The following MCU variants were observed in gnomAD, a reference collection of about 807,000 sequenced individuals.
MCU encodes the protein mitochondrial calcium uniporter, also known as calcium uniporter protein, mitochondrial.
A neutral mutation model predicts 45.2 loss-of-function variants in MCU; 12 were observed. The ratio of observed to expected loss-of-function variants is 0.27; its 90% CI spans 0.17 to 0.43. The LOEUF is 0.43. Ranked by LOEUF, MCU falls within the 20% of genes least tolerant of loss-of-function variation. MCU has a pLI of 1.00. For missense variants in MCU, 324 were observed against 436.7 expected (o/e 0.74, Z 2.30); for synonymous variants, 160 against 165.1 (o/e 0.97, Z 0.24).
chr10:72,736,739 C>T (rs1843256489), intron 1 of MCU, among the ~76,000 whole-genome samples: 1 of 152,200 alleles, frequency 6.6e-6, no homozygotes, highest in Admixed American at 6.5e-5. Flanking sequence ...AACATTTTGT[C>T]AGTAAAGAGA....
intron 1 of MCU, among the ~76,000 whole-genome samples, chr10:72,704,746 G>A (rs547181214): frequency 7.2e-5 from 9 of 125,846 alleles, no homozygotes; most frequent in African/African-American, 2.8e-4. Context: ...ACGGAGTCTC[G>A]CTCTGTAGCC....
intron 2 of MCU, among the ~76,000 whole-genome samples, chr10:72,838,015 C>A (rs1484412651): frequency 1.3e-5 from 2 of 150,186 alleles, no homozygotes; most frequent in Non-Finnish European, 2.9e-5. Context: ...CACTACCACG[C>A]CTGGCTAATT....
At chr10:72,760,572 C>G (rs1843640097) in intron 1 of MCU, 1 of 150,972 alleles carries the variant, frequency 6.6e-6, no homozygotes, top group African/African-American at 2.4e-5. Context: ...CCCCGTCACC[C>G]AGGCTGAAGT....
intron 1 of MCU, among the ~76,000 whole-genome samples, chr10:72,754,531 A>C (rs1263995147): frequency 6.6e-6 from 1 of 152,104 alleles, no homozygotes; most frequent in East Asian, 1.9e-4. Context: ...CAGGGGGATT[A>C]CTTGAGCCCA....
Position 72,720,606 on chromosome 10 carries a change from C to T in MCU, c.150+28305C>T, listed in dbSNP as rs540910621. On this transcript the variant is annotated intron_variant, in intron 1 of 7. Transcript: ENST00000373053. ...TTCAGTGACTTCTTCCTTCTCCTTT[C>T]CAATTTATAGAATACTCCTTAGCCC... Among the ~76,000 whole-genome samples the T allele has an allele frequency of 2.6e-5, 4 of 152,334 alleles. No homozygotes were observed. In the East Asian group the frequency reaches 7.7e-4, roughly 29 times the overall value.
intron 2 of MCU, among the ~76,000 whole-genome samples, chr10:72,842,865 A>C (rs1265254474): frequency 6.7e-6 from 1 of 149,848 alleles, no homozygotes; most frequent in African/African-American, 2.4e-5. Context: ...TTATAAATAA[A>C]ATAATTTATT....
intron 1 of MCU, among the ~76,000 whole-genome samples, chr10:72,706,253 C>T (rs1051682363): frequency 1.3e-5 from 2 of 150,252 alleles, no homozygotes; most frequent in African/African-American, 2.5e-5. Flanking sequence ...CATTACTAAG[C>T]ATGAAACCTT....
intron 1 of MCU, among the ~76,000 whole-genome samples, chr10:72,742,246 T>C (rs1843345971): frequency 1.3e-5 from 2 of 152,104 alleles, no homozygotes; most frequent in Admixed American, 6.5e-5. Context: ...GTCCTAGATA[T>C]GTAGTAGGCT....
chr10:72,879,740 A>G (rs1845672240), intron 6 of MCU, among the ~76,000 whole-genome samples: 1 of 152,232 alleles, frequency 6.6e-6, no homozygotes, highest in Admixed American at 6.5e-5. Flanking sequence ...TTTAAAATAT[A>G]GAGAGAATTA....
chr10:72,799,697 C>T (rs1337808714), intron 1 of MCU, among the ~76,000 whole-genome samples: 7 of 151,650 alleles, frequency 4.6e-5, no homozygotes, highest in African/African-American at 1.2e-4. Flanking sequence ...CTAATCTTTT[C>T]TCATCTGATA....
chr10:72,859,094 C>A (rs1845336813), intron 2 of MCU, 83 bp from the exon 3 acceptor site: 18 of 1,258,176 alleles, frequency 1.4e-5, no homozygotes, highest in East Asian at 1.2e-4. Context: ...TAATAATAGA[C>A]CCCCATGCAA....
intron 1 of MCU, among the ~76,000 whole-genome samples, chr10:72,713,951 G>C (rs1418698446): frequency 1.9e-5 from 1 of 53,340 alleles, no homozygotes; most frequent in Non-Finnish European, 7.9e-5. Flanking sequence ...CATCATTTGT[G>C]TGTGTGTGTG....
At chr10:72,875,450 C>T (rs1845603680) in intron 6 of MCU, among the ~76,000 whole-genome samples, 1 of 152,054 alleles carries the variant, frequency 6.6e-6, no homozygotes, top group Non-Finnish European at 1.5e-5. Context: ...TCTTGCTGCC[C>T]CCAAGTGACA....
chr10:72,825,146 A>T (rs1217255899), intron 1 of MCU, among the ~76,000 whole-genome samples: 1 of 152,218 alleles, frequency 6.6e-6, no homozygotes, highest in Non-Finnish European at 1.5e-5. Context: ...CTTAAAAAAG[A>T]GAAGAATACA....
At chr10:72,828,494 C>T (rs957848573) in intron 1 of MCU, among the ~76,000 whole-genome samples, 3 of 152,078 alleles carry the variant, frequency 2.0e-5, no homozygotes, top group Non-Finnish European at 4.4e-5. Flanking sequence ...CCCTCCCTTC[C>T]TCCCCCTCAG....
rs549943433 is a variant in MCU at position 72,761,615 on chromosome 10, G to T, written c.150+69314G>T. ...TCCAGATTTGATTAGTGGAAAGAAT[G>T]ATATATATGTTGATGTAAGACATTT... On this transcript the variant is annotated intron_variant, in intron 1 of 7. Transcript: ENST00000373053. Among the ~76,000 whole-genome samples, 4 of 152,232 alleles carry T rather than the reference G, an allele frequency of 2.6e-5. No homozygotes were observed. The East Asian group carries it at 7.7e-4, about 29-fold the overall frequency.
chr10:72,847,772 G>A (rs1261108795), intron 2 of MCU, among the ~76,000 whole-genome samples: 3 of 152,162 alleles, frequency 2.0e-5, no homozygotes, highest in Non-Finnish European at 2.9e-5. Flanking sequence ...TTTTGAGGGT[G>A]CAGCCCCATG....
At chr10:72,770,870 A>T (rs1289754058) in intron 1 of MCU, among the ~76,000 whole-genome samples, 1 of 152,120 alleles carries the variant, frequency 6.6e-6, no homozygotes, top group Non-Finnish European at 1.5e-5. Flanking sequence ...ACTGTCTTTT[A>T]TAACTATAAT....
At chr10:72,714,813 T>G (rs914896126) in intron 1 of MCU, among the ~76,000 whole-genome samples, 8 of 152,058 alleles carry the variant, frequency 5.3e-5, no homozygotes, top group Non-Finnish European at 1.0e-4. Context: ...CCCAAAGTGC[T>G]GGGATTACAG....
Sources: gnomAD v4.1 joint callset for allele counts (sites outside exome capture counted in the v4.1 genomes callset) on GRCh38, gnomAD v4.1.1 for gene constraint, MANE v1.5 for transcripts, NCBI Gene and HGNC (gene_info 2026-07-23, HGNC 2026-07-21) for gene names.